FMNL2: variants seen among roughly 807,000 people sequenced by gnomAD.
The protein encoded by FMNL2 is formin like 2, also known as formin-like protein 2.
FMNL2 carries 51 observed loss-of-function variants against 130.2 expected under a neutral mutation model. The observed-to-expected ratio is 0.39, with a 90% CI of 0.31 to 0.49. The LOEUF (loss-of-function observed/expected upper bound fraction) is 0.49, where lower values mean the gene tolerates loss of function less well. FMNL2 is among the 20% of genes least tolerant of loss of function. The probability of loss-of-function intolerance (pLI) is 0.85; values close to 1 mark genes in which losing one functional copy is unlikely to be tolerated. For missense variants in FMNL2, 977 were observed against 1,316.2 expected, an observed-to-expected ratio of 0.74 and a Z score of 3.99; for synonymous variants, 465 against 467.1, an observed-to-expected ratio of 1.00 and a Z score of 0.06.
intron 1 of FMNL2, chr2:152,390,536 G>A: frequency 3.9e-6 from 6 of 1,536,154 alleles, no homozygotes; most frequent in South Asian, 2.2e-5. Context: ...AGAAGTCCAT[G>A]GGGCTGCCAA....
intron 1 of FMNL2, among the ~76,000 whole-genome samples, chr2:152,358,150 G>A (rs1444554013): frequency 2.7e-5 from 4 of 150,676 alleles, no homozygotes; most frequent in Middle Eastern, 6.4e-3. Context: ...TCCTGCCCTC[G>A]AACATCAGAC....
rs552901010 is a variant in FMNL2 at position 152,504,540 on chromosome 2, C to T, written c.118-17403C>T. On this transcript the variant is annotated intron_variant, in intron 1 of 25. Transcript: ENST00000288670. Reference sequence around the variant, plus strand: ...GATTACAGGCATGAGCCACCGCGCTCAGCCGCAGGGAGGCTTCTTAAAAAC... The same window carrying T: ...GATTACAGGCATGAGCCACCGCGCTTAGCCGCAGGGAGGCTTCTTAAAAAC... Among the ~76,000 whole-genome samples, 20 of 152,328 alleles carry T rather than the reference C, an allele frequency of 1.3e-4. No individual in the cohort carries two copies. The South Asian group carries it at 4.1e-3, about 32-fold the overall frequency.
chr2:152,492,743 A>T (rs1380725123), intron 1 of FMNL2, among the ~76,000 whole-genome samples: 1 of 152,120 alleles, frequency 6.6e-6, no homozygotes, highest in African/African-American at 2.4e-5. Context: ...TTGACACTAA[A>T]TTTTTCTCAG....
chr2:152,417,863 T>C (rs13000092), intron 1 of FMNL2, among the ~76,000 whole-genome samples: 49,423 of 152,022 alleles, frequency 0.33, 8,567 homozygotes, highest in Middle Eastern at 0.44. Context: ...GACAGAGTCT[T>C]GCTCTGTTTG....
intron 25 of FMNL2, chr2:152,643,880 TC>T: frequency 4.1e-6 from 4 of 985,336 alleles, no homozygotes; most frequent in Non-Finnish European, 4.8e-6. Context: ...TGAGCTAATG[TC>T]CTTCAACATA....
intron 1 of FMNL2, among the ~76,000 whole-genome samples, chr2:152,438,491 T>TA (rs1224723851): frequency 6.6e-6 from 1 of 152,246 alleles, no homozygotes; most frequent in Non-Finnish European, 1.5e-5. Context: ...CCAGTGTTGT[T>TA]ACGTCTTCAG....
intron 1 of FMNL2, among the ~76,000 whole-genome samples, chr2:152,461,259 G>T (rs1454037487): frequency 6.6e-6 from 1 of 152,084 alleles, no homozygotes; most frequent in Non-Finnish European, 1.5e-5. Context: ...GAAAAGAACA[G>T]ATTTCGGAAT....
chr2:152,588,857 ACT>A (rs990241857), intron 9 of FMNL2, among the ~76,000 whole-genome samples: 2 of 151,796 alleles, frequency 1.3e-5, no homozygotes, highest in Non-Finnish European at 1.5e-5. Context: ...GTTTAGATTG[ACT>A]CTATTAATAA....
chr2:152,572,754 A>G (rs1445479331), intron 6 of FMNL2, among the ~76,000 whole-genome samples: 1 of 151,690 alleles, frequency 6.6e-6, no homozygotes, highest in African/African-American at 2.4e-5. Context: ...CAAAAAATAC[A>G]TGGTATCAAC....
intron 1 of FMNL2, among the ~76,000 whole-genome samples, chr2:152,476,544 T>C (rs1326402123): frequency 6.6e-6 from 1 of 152,044 alleles, no homozygotes; most frequent in African/African-American, 2.4e-5. Flanking sequence ...ATGGTGACGC[T>C]TGCCTGTTGT....
At chr2:152,350,226 G>A (rs1425215127) in intron 1 of FMNL2, among the ~76,000 whole-genome samples, 1 of 152,126 alleles carries the variant, frequency 6.6e-6, no homozygotes, top group African/African-American at 2.4e-5. Context: ...TTCTCCGTTT[G>A]CTGGTTCAGG....
chr2:152,377,979 G>A lies in FMNL2; in HGVS notation c.117+42259G>A, dbSNP rs545577290. Among the ~76,000 whole-genome samples, 483 of 152,150 alleles carry A rather than the reference G, an allele frequency of 3.2e-3. 2 individuals are homozygous for A. Among genetic ancestry groups the A allele is most frequent in the African/African-American group, 0.011 (445 of 41,512 alleles). Reference sequence around the variant, plus strand: ...ACACAAAAATTAGCCAGGCATGGTGGCACATGCCTGTAGTCCCAGCTACTA... The same window carrying A: ...ACACAAAAATTAGCCAGGCATGGTGACACATGCCTGTAGTCCCAGCTACTA... On this transcript the variant is annotated intron_variant, in intron 1 of 25. Coordinates refer to ENST00000288670, the MANE Select transcript of FMNL2 (RefSeq NM_052905.4).
Position 152,640,926 on chromosome 2 carries a change from T to G in FMNL2, c.3169+12T>G, listed in dbSNP as rs2105968177. 1 of 1,613,246 alleles carries G rather than the reference T, an allele frequency of 6.2e-7. No homozygotes were observed. The highest frequency in any genetic ancestry group is 2.2e-5 in the East Asian group (1 of 44,864). ...AGATATTATCACAGGTAAAAGATAT[T>G]TCTTCACTGTGGCCCATGGAGATCC... is the stretch of plus-strand genomic sequence containing the variant. On this transcript the variant is annotated intron_variant, in intron 25 of 25. Coordinates refer to ENST00000288670, the MANE Select transcript of FMNL2 (RefSeq NM_052905.4).
At chr2:152,383,273 C>CT (rs35206829) in intron 1 of FMNL2, among the ~76,000 whole-genome samples, 11,262 of 97,610 alleles carry the variant, frequency 0.12, 872 homozygotes, top group Admixed American at 0.24. Flanking sequence ...TCCGTTAATC[C>CT]TTTTTTTTTT....
intron 9 of FMNL2, among the ~76,000 whole-genome samples, chr2:152,585,406 A>T (rs1249358696): frequency 6.6e-6 from 1 of 152,212 alleles, no homozygotes; most frequent in African/African-American, 2.4e-5. Flanking sequence ...ACAGAAAAAA[A>T]TACATTTGGA....
intron 6 of FMNL2, among the ~76,000 whole-genome samples, chr2:152,569,332 G>C (rs1226188135): frequency 6.6e-6 from 1 of 151,982 alleles, no homozygotes; most frequent in African/African-American, 2.4e-5. Context: ...AAAAACTCAG[G>C]TTTCGCTTGC....
rs187111253 is a variant in FMNL2 at position 152,372,264 on chromosome 2, A to G, written c.117+36544A>G. ...AGAGTACTCTGTAGGTAGGTAAATTATAGTTAGAGGTCCATCTAAGGAGAG... is the reference window on the plus strand; with the variant it reads ...AGAGTACTCTGTAGGTAGGTAAATTGTAGTTAGAGGTCCATCTAAGGAGAG... On this transcript the variant is annotated intron_variant, in intron 1 of 25. Transcript: ENST00000288670. 2.5e-4 allele frequency among the ~76,000 whole-genome samples: 38 copies of G among 152,304 alleles called. 1 individual carries two copies. The highest frequency in any genetic ancestry group is 7.2e-4 in the Admixed American group (11 of 15,300).
intron 9 of FMNL2, among the ~76,000 whole-genome samples, chr2:152,584,816 A>G (rs73969198): frequency 6.6e-6 from 1 of 152,186 alleles, no homozygotes; most frequent in East Asian, 1.9e-4. Flanking sequence ...TCCCAATCTT[A>G]TATTTTTTTT....
intron 9 of FMNL2, among the ~76,000 whole-genome samples, chr2:152,600,419 G>A (rs1421606208): frequency 1.3e-5 from 2 of 152,210 alleles, no homozygotes. Context: ...TACAGACTTT[G>A]CATGGTTCCC....
Sources: gnomAD v4.1 joint callset for allele counts (sites outside exome capture counted in the v4.1 genomes callset) on GRCh38, gnomAD v4.1.1 for gene constraint, MANE v1.5 for transcripts, NCBI Gene and HGNC (gene_info 2026-07-23, HGNC 2026-07-21) for gene names.